Variants in PIERCE2 observed in about 807,000 individuals in gnomAD.
The protein encoded by PIERCE2 is piercer of microtubule wall 2.
the PIERCE2 span, among the ~76,000 whole-genome samples, chr15:55,409,286 T>C: frequency 1.3e-5 from 2 of 151,892 alleles, no homozygotes; most frequent in East Asian, 1.9e-4. Context: ...GGGCCTGTAA[T>C]CCCAGCTACT....
the PIERCE2 span, among the ~76,000 whole-genome samples, chr15:55,415,404 T>C: frequency 6.9e-6 from 1 of 144,964 alleles, no homozygotes. Flanking sequence ...TGCAGTGAGC[T>C]GAGATCCTGC....
At chr15:55,418,000 G>A in the PIERCE2 span, 1 of 827,818 alleles carries the variant, frequency 1.2e-6, no homozygotes, top group Non-Finnish European at 1.9e-6. Context: ...GCAGGAACCG[G>A]CCATTTTCAC....
the PIERCE2 span, chr15:55,410,408 G>A: frequency 6.6e-6 from 1 of 152,196 alleles, no homozygotes; most frequent in Non-Finnish European, 1.5e-5. Flanking sequence ...CCAGTACTCT[G>A]GGAGGCCGAG....
chr15:55,411,523 C>T, the PIERCE2 span, among the ~76,000 whole-genome samples: 3 of 152,020 alleles, frequency 2.0e-5, no homozygotes, highest in African/African-American at 7.2e-5. Flanking sequence ...CAGTGGCTCA[C>T]ACCTGTAATC....
chr15:55,413,095 CA>C, the PIERCE2 span, among the ~76,000 whole-genome samples: 1 of 151,866 alleles, frequency 6.6e-6, no homozygotes, highest in Non-Finnish European at 1.5e-5. Context: ...GGTGAAACCC[CA>C]TCTCTACTAA....
At chr15:55,417,727 C>T in the PIERCE2 span, 11 of 170,552 alleles carry the variant, frequency 6.4e-5, no homozygotes, top group Admixed American at 2.8e-4. Flanking sequence ...TAGTCTTCAA[C>T]GTCAAGAGAA....
At chr15:55,408,758 G>A in the PIERCE2 span, 1 of 1,527,512 alleles carries the variant, frequency 6.5e-7, no homozygotes. Context: ...AATTAACAAA[G>A]AAGAGCGAAA....
chr15:55,418,176 TTTCAGAACTTTATAATGGAG>T, the PIERCE2 span: 1 of 1,559,118 alleles, frequency 6.4e-7, no homozygotes, highest in Non-Finnish European at 8.6e-7. Flanking sequence ...ATTTTTTTTT[TTTCAGAACTTTATAATGGAG>T]AATGATTTTA....
At chr15:55,412,154 C>A in the PIERCE2 span, among the ~76,000 whole-genome samples, 2 of 147,470 alleles carry the variant, frequency 1.4e-5, no homozygotes, top group Admixed American at 1.4e-4. Flanking sequence ...CCATTTACAT[C>A]AAATTTTCTT....
At chr15:55,418,359 C>T in the PIERCE2 span, 1 of 1,538,506 alleles carries the variant, frequency 6.5e-7, no homozygotes, top group Non-Finnish European at 8.8e-7. Context: ...ACCTCACTAT[C>T]AAAACCTCAA....
At chr15:55,418,239 C>A in the PIERCE2 span, 1 of 1,567,260 alleles carries the variant, frequency 6.4e-7, no homozygotes, top group Non-Finnish European at 8.7e-7. Flanking sequence ...AAAAGTACTT[C>A]ACCTTCAAAT....
At chr15:55,417,323 CTTATA>C in the PIERCE2 span, among the ~76,000 whole-genome samples, 1 of 152,074 alleles carries the variant, frequency 6.6e-6, no homozygotes, top group African/African-American at 2.4e-5. Context: ...ACTTCCTTGC[CTTATA>C]GTCAATCTTA....
At chr15:55,416,604 C>A in the PIERCE2 span, among the ~76,000 whole-genome samples, 2 of 152,120 alleles carry the variant, frequency 1.3e-5, no homozygotes, top group African/African-American at 4.8e-5. Context: ...CCTTTTCCCT[C>A]ACCACCCACC....
At chr15:55,416,400 C>T in the PIERCE2 span, among the ~76,000 whole-genome samples, 18 of 152,136 alleles carry the variant, frequency 1.2e-4, no homozygotes, top group African/African-American at 3.6e-4. Context: ...TGCGCCTGGA[C>T]GAAACTTGTT....
chr15:55,413,578 GAGAA>G, the PIERCE2 span, among the ~76,000 whole-genome samples: 1 of 151,872 alleles, frequency 6.6e-6, no homozygotes, highest in African/African-American at 2.4e-5. Flanking sequence ...GACCAACATG[GAGAA>G]ACCCTGTCTC....
chr15:55,413,445 A>G, the PIERCE2 span, among the ~76,000 whole-genome samples: 1 of 151,920 alleles, frequency 6.6e-6, no homozygotes, highest in African/African-American at 2.4e-5. Flanking sequence ...AAAACAGTTA[A>G]TTAAAAGCTG....
chr15:55,417,951 C>T, the PIERCE2 span: 26 of 589,516 alleles, frequency 4.4e-5, no homozygotes, highest in Admixed American at 7.4e-5. Flanking sequence ...GGTTCTGAGC[C>T]AGGAGAAGGA....
chr15:55,411,728 C>T, the PIERCE2 span, among the ~76,000 whole-genome samples: 2 of 152,134 alleles, frequency 1.3e-5, no homozygotes, highest in Admixed American at 1.3e-4. Flanking sequence ...TCGAGACCAA[C>T]CTGACTAACA....
At chr15:55,417,040 A>G in the PIERCE2 span, among the ~76,000 whole-genome samples, 1 of 68,278 alleles carries the variant, frequency 1.5e-5, no homozygotes, top group Non-Finnish European at 4.5e-5. Flanking sequence ...TATTGTCATC[A>G]TTACTCACAT....
Sources: allele counts gnomAD v4.1 joint callset (sites outside exome capture counted in the v4.1 genomes callset), GRCh38; gene constraint gnomAD v4.1.1; transcripts MANE v1.5; gene names NCBI Gene and HGNC (gene_info 2026-07-23, HGNC 2026-07-21).